The following ZNF892 variants were observed in gnomAD, a reference collection of about 807,000 sequenced individuals.
ZNF892 encodes the protein zinc finger protein 570-like.
chr2:95,250,967 G>T, the ZNF892 span, among the ~76,000 whole-genome samples: 1 of 147,444 alleles, frequency 6.8e-6, no homozygotes, highest in African/African-American at 2.5e-5. Context: ...GTAAATAAAT[G>T]CTTATATAAA....
the ZNF892 span, among the ~76,000 whole-genome samples, chr2:95,206,578 C>T: frequency 6.6e-6 from 1 of 152,156 alleles, no homozygotes; most frequent in Non-Finnish European, 1.5e-5. Flanking sequence ...ACAAGAAGAG[C>T]AACGGTACCA....
At chr2:95,244,712 T>G in the ZNF892 span, among the ~76,000 whole-genome samples, 1 of 152,162 alleles carries the variant, frequency 6.6e-6, no homozygotes, top group Non-Finnish European at 1.5e-5. Flanking sequence ...TACAGAACCC[T>G]CCACCCCAAA....
chr2:95,220,725 C>G, the ZNF892 span, among the ~76,000 whole-genome samples: 113 of 152,188 alleles, frequency 7.4e-4, 3 homozygotes, highest in East Asian at 0.015. Flanking sequence ...GATAAGCTGC[C>G]AATTTGATAG....
chr2:95,260,727 G>GCTGCCT, the ZNF892 span, among the ~76,000 whole-genome samples: 2 of 152,208 alleles, frequency 1.3e-5, no homozygotes, highest in African/African-American at 4.8e-5. Context: ...CAGGCAAACT[G>GCTGCCT]CTGCCTCTGC....
the ZNF892 span, among the ~76,000 whole-genome samples, chr2:95,231,551 AT>A: frequency 6.6e-6 from 1 of 152,240 alleles, no homozygotes; most frequent in Non-Finnish European, 1.5e-5. Context: ...GCATATAAAT[AT>A]GCGAGAGTGT....
chr2:95,210,049 C>T, the ZNF892 span, among the ~76,000 whole-genome samples: 1 of 151,188 alleles, frequency 6.6e-6, no homozygotes, highest in Non-Finnish European at 1.5e-5. Flanking sequence ...TGAATATAAA[C>T]AAAATTAACC....
chr2:95,255,874 C>T, the ZNF892 span, among the ~76,000 whole-genome samples: 3 of 152,072 alleles, frequency 2.0e-5, no homozygotes, highest in Non-Finnish European at 4.4e-5. Context: ...GGTTTAAAGT[C>T]TTTTTTATCA....
chr2:95,244,381 A>G, the ZNF892 span, among the ~76,000 whole-genome samples: 3 of 152,308 alleles, frequency 2.0e-5, no homozygotes, highest in South Asian at 6.2e-4. Context: ...GAAAACAGAA[A>G]AAAGCAGGGG....
chr2:95,214,847 T>C, the ZNF892 span: 2 of 501,286 alleles, frequency 4.0e-6, no homozygotes, highest in Non-Finnish European at 7.3e-6. Flanking sequence ...AGAGAATTCA[T>C]ACTGGGGAGA....
the ZNF892 span, among the ~76,000 whole-genome samples, chr2:95,224,366 G>A: frequency 8.5e-5 from 13 of 152,100 alleles, no homozygotes; most frequent in South Asian, 2.1e-4. Flanking sequence ...CCATTTTCAC[G>A]TGCTATAAAT....
the ZNF892 span, among the ~76,000 whole-genome samples, chr2:95,213,817 A>G: frequency 1.3e-5 from 2 of 152,182 alleles, no homozygotes; most frequent in African/African-American, 4.8e-5. Flanking sequence ...GTTTTGAGCA[A>G]TTAGTCTTTT....
chr2:95,237,141 CTTT>C, the ZNF892 span, among the ~76,000 whole-genome samples: 53 of 133,544 alleles, frequency 4.0e-4, no homozygotes, highest in Non-Finnish European at 5.0e-4. Context: ...GATCAGTGAG[CTTT>C]TTTTTTTTTT....
At chr2:95,254,283 A>G in the ZNF892 span, among the ~76,000 whole-genome samples, 1 of 152,228 alleles carries the variant, frequency 6.6e-6, no homozygotes, top group Non-Finnish European at 1.5e-5. Flanking sequence ...GAGAGTTTTT[A>G]GCATGAAGCG....
At chr2:95,256,025 C>T in the ZNF892 span, among the ~76,000 whole-genome samples, 1 of 152,180 alleles carries the variant, frequency 6.6e-6, no homozygotes, top group Non-Finnish European at 1.5e-5. Flanking sequence ...GGTCTTGACT[C>T]TTTATCCAAT....
chr2:95,233,510 A>G, the ZNF892 span, among the ~76,000 whole-genome samples: 1 of 151,136 alleles, frequency 6.6e-6, no homozygotes, highest in Non-Finnish European at 1.5e-5. Flanking sequence ...CATCTCTACT[A>G]AAAATACAAA....
chr2:95,242,541 A>G, the ZNF892 span, among the ~76,000 whole-genome samples: 3 of 152,190 alleles, frequency 2.0e-5, no homozygotes, highest in Non-Finnish European at 4.4e-5. Flanking sequence ...ACAAAAACAC[A>G]CTGAAGTACA....
the ZNF892 span, among the ~76,000 whole-genome samples, chr2:95,245,208 T>G: frequency 1.3e-5 from 2 of 148,808 alleles, no homozygotes; most frequent in African/African-American, 4.9e-5. Flanking sequence ...GAAAGAGACA[T>G]GAAAAAGCCT....
chr2:95,221,007 A>G, the ZNF892 span, among the ~76,000 whole-genome samples: 1 of 152,208 alleles, frequency 6.6e-6, no homozygotes, highest in African/African-American at 2.4e-5. Flanking sequence ...ATGACATATG[A>G]TATCATAGAG....
At chr2:95,253,034 G>A in the ZNF892 span, among the ~76,000 whole-genome samples, 3 of 152,214 alleles carry the variant, frequency 2.0e-5, no homozygotes, top group South Asian at 6.2e-4. Context: ...CATTCTATAG[G>A]TTGCCTGTTC....
Sources: gnomAD v4.1 joint callset for allele counts (sites outside exome capture counted in the v4.1 genomes callset) on GRCh38, gnomAD v4.1.1 for gene constraint, MANE v1.5 for transcripts, NCBI Gene and HGNC (gene_info 2026-07-23, HGNC 2026-07-21) for gene names.